Variants in UGGT1 observed in about 807,000 individuals in gnomAD.
UGGT1 encodes the protein UDP-glucose glycoprotein glucosyltransferase 1.
In UGGT1, 107 loss-of-function variants were observed where a neutral mutation model predicts 203.9. That is an observed-to-expected ratio of 0.52 (90% CI 0.45 to 0.62). The LOEUF (loss-of-function observed/expected upper bound fraction) is 0.62, where lower values mean the gene tolerates loss of function less well. Ranked by LOEUF, UGGT1 falls within the 20% of genes least tolerant of loss-of-function variation. The pLI is 0.00. For synonymous variants in UGGT1, 628 were observed against 653.5 expected, an observed-to-expected ratio of 0.96 and a Z score of 0.59; for missense variants, 1,673 against 1,867.2, an observed-to-expected ratio of 0.90 and a Z score of 1.92.
chr2:128,183,643 T>C (rs761327513), intron 37 of UGGT1, 32 bp from the exon 38 acceptor site: 1 of 1,519,478 alleles, frequency 6.6e-7, no homozygotes, highest in African/African-American at 1.4e-5. Flanking sequence ...TAATCCATGG[T>C]TGGTTGTAAC....
At chr2:128,186,608 C>CAATA (rs1049075665) in intron 38 of UGGT1, 75 bp from the exon 39 acceptor site, 99 of 1,285,118 alleles carry the variant, frequency 7.7e-5, no homozygotes, top group African/African-American at 5.6e-4. Context: ...CCCCATCTCT[C>CAATA]AATAAATAAA....
intron 2 of UGGT1, among the ~76,000 whole-genome samples, chr2:128,098,394 G>A (rs932614559): frequency 1.3e-5 from 2 of 152,204 alleles, no homozygotes; most frequent in East Asian, 1.9e-4. Flanking sequence ...TTAGCTGAGC[G>A]TGCTGGCATG....
chr2:128,160,717 G>T, intron 24 of UGGT1, 126 bp downstream of exon 24: 1 of 1,353,510 alleles, frequency 7.4e-7, no homozygotes, highest in Non-Finnish European at 9.9e-7. Context: ...GGCTTATGAA[G>T]TGCCATTGAT....
intron 3 of UGGT1, among the ~76,000 whole-genome samples, chr2:128,106,857 A>T (rs12616874): frequency 5.3e-5 from 8 of 151,976 alleles, no homozygotes; most frequent in East Asian, 1.9e-4. Context: ...GCCTATTTCT[A>T]TTTTTTTTAA....
At chr2:128,096,446 T>A (rs1157613349) in intron 1 of UGGT1, among the ~76,000 whole-genome samples, 1 of 152,198 alleles carries the variant, frequency 6.6e-6, no homozygotes, top group Non-Finnish European at 1.5e-5. Flanking sequence ...GGAAGAATCT[T>A]TCTTTGACTC....
Position 128,157,237 on chromosome 2 carries a change from T to C in UGGT1, c.2261-15T>C, listed in dbSNP as rs1690280263. 1 of 1,601,554 alleles carries C rather than the reference T, an allele frequency of 6.2e-7. No individual in the cohort carries two copies. The highest frequency in any genetic ancestry group is 8.6e-7 in the Non-Finnish European group (1 of 1,168,920). On this transcript the variant is annotated splice_polypyrimidine_tract_variant and intron_variant, in intron 21 of 40. Coordinates refer to ENST00000259253, the MANE Select transcript of UGGT1 (RefSeq NM_020120.4). ...CTCTCCTCTGACTCAATTAGCTGTT[T>C]TTGTTTTTCTACAGATGATTCTTTT...
chr2:128,184,066 T>G (rs556419474), intron 38 of UGGT1, among the ~76,000 whole-genome samples: 2 of 152,194 alleles, frequency 1.3e-5, no homozygotes, highest in Admixed American at 1.3e-4. Flanking sequence ...ACCATTAGCA[T>G]ATCTTTGTAT....
At chr2:128,127,916 A>G (rs1688676266) in intron 12 of UGGT1, among the ~76,000 whole-genome samples, 1 of 152,130 alleles carries the variant, frequency 6.6e-6, no homozygotes. Flanking sequence ...TCTGCTAAAA[A>G]TACAAAAATT....
At chr2:128,111,999 A>G (rs556490219) in intron 5 of UGGT1, among the ~76,000 whole-genome samples, 191 of 151,438 alleles carry the variant, frequency 1.3e-3, no homozygotes, top group African/African-American at 4.3e-3. Context: ...TTAGTTGGGC[A>G]TGATGTCGTG....
At chr2:128,147,120 T>C (rs1689729928) in intron 18 of UGGT1, among the ~76,000 whole-genome samples, 1 of 152,206 alleles carries the variant, frequency 6.6e-6, no homozygotes, top group Non-Finnish European at 1.5e-5. Flanking sequence ...CCACACACAG[T>C]CCTTTTCTCT....
chr2:128,112,853 T>G (rs1687932918), intron 5 of UGGT1, among the ~76,000 whole-genome samples: 1 of 152,134 alleles, frequency 6.6e-6, no homozygotes, highest in South Asian at 2.1e-4. Context: ...GTTTACATTT[T>G]ATAGTTAGTA....
At chr2:128,102,998 G>A (rs773233154) in intron 2 of UGGT1, 1 of 461,952 alleles carries the variant, frequency 2.2e-6, no homozygotes, top group Admixed American at 2.5e-5. Context: ...TATGATAATG[G>A]GTATTTTCAG....
At chr2:128,115,438 G>C (rs1347164915) in intron 7 of UGGT1, among the ~76,000 whole-genome samples, 2 of 147,814 alleles carry the variant, frequency 1.4e-5, no homozygotes, top group Admixed American at 1.4e-4. Flanking sequence ...TCCAGTATTG[G>C]GGAGGAATAA....
At chr2:128,108,493 C>A (rs532084861) in intron 4 of UGGT1, among the ~76,000 whole-genome samples, 4 of 152,004 alleles carry the variant, frequency 2.6e-5, no homozygotes, top group African/African-American at 9.6e-5. Flanking sequence ...TTCTTCAGTA[C>A]ATAAATTATG....
intron 1 of UGGT1, among the ~76,000 whole-genome samples, chr2:128,096,750 C>G (rs1216318904): frequency 6.6e-6 from 1 of 152,186 alleles, no homozygotes; most frequent in African/African-American, 2.4e-5. Flanking sequence ...ACCCTTAATA[C>G]CTATCATTTA....
intron 31 of UGGT1, among the ~76,000 whole-genome samples, chr2:128,175,732 C>T (rs544463513): frequency 1.3e-5 from 2 of 152,280 alleles, no homozygotes; most frequent in South Asian, 2.1e-4. Context: ...TTTTGGATGC[C>T]CTGGCCCTTG....
chr2:128,117,000 T>C (rs1290080024), intron 8 of UGGT1, among the ~76,000 whole-genome samples: 1 of 152,260 alleles, frequency 6.6e-6, no homozygotes, highest in East Asian at 1.9e-4. Context: ...AAAAGTTTTT[T>C]TCAAACATAG....
chr2:128,143,098 A>G lies in UGGT1; in HGVS notation c.1724A>G (p.Tyr575Cys), dbSNP rs1374526682. The part of the protein sequence containing the change: ...YHAFQTLTHI[Y>C]NKVRTGEKVK... ...AACTGTTTTTTCTTTCTTCAGATCT[A>G]TAACAAGGTGAGGACTGGAGAAAAA... Residue 575 changes from tyrosine to cysteine, a missense_variant, in exon 17 of 41, where the codon TAT (tyrosine) becomes TGT (cysteine). Transcript: ENST00000259253. 24 of 1,601,972 alleles carry G rather than the reference A, an allele frequency of 1.5e-5. No homozygotes were observed. The highest frequency in any genetic ancestry group is 6.7e-5 in the African/African-American group (5 of 74,394).
intron 25 of UGGT1, among the ~76,000 whole-genome samples, 190 bp from the exon 26 acceptor site, chr2:128,164,540 T>C (rs1225741385): frequency 6.6e-6 from 1 of 152,240 alleles, no homozygotes; most frequent in Non-Finnish European, 1.5e-5. Flanking sequence ...CCATTTCACA[T>C]GTGGGAAAGT....
Sources: allele counts gnomAD v4.1 joint callset (sites outside exome capture counted in the v4.1 genomes callset), GRCh38; gene constraint gnomAD v4.1.1; transcripts MANE v1.5; gene names NCBI Gene and HGNC (gene_info 2026-07-23, HGNC 2026-07-21).